Variants in ACSL6 observed in about 807,000 individuals in gnomAD.
ACSL6 encodes the protein long-chain-fatty-acid--CoA ligase 6.
A neutral mutation model predicts 98.2 loss-of-function variants in ACSL6; 47 were observed. That is an observed-to-expected ratio of 0.48 (90% CI 0.38 to 0.61). The LOEUF is 0.61. Among genes scored for constraint, ACSL6 ranks in the 20% least tolerant of loss-of-function variants. The pLI is 0.00. For missense variants in ACSL6, 761 were observed against 913.4 expected, an observed-to-expected ratio of 0.83 and a Z score of 2.15; for synonymous variants, 362 against 336.9, an observed-to-expected ratio of 1.07 and a Z score of -0.82.
intron 1 of ACSL6, among the ~76,000 whole-genome samples, chr5:132,004,814 C>G (rs985661577): frequency 6.6e-6 from 1 of 152,200 alleles, no homozygotes; most frequent in African/African-American, 2.4e-5. Flanking sequence ...CCACCACAGA[C>G]AGACCTAGGC....
chr5:131,958,517 T>C (rs1436960131), intron 20 of ACSL6, among the ~76,000 whole-genome samples: 1 of 152,232 alleles, frequency 6.6e-6, no homozygotes, highest in Non-Finnish European at 1.5e-5. Flanking sequence ...TAAATTGCCC[T>C]AAAACATACT....
intron 18 of ACSL6, among the ~76,000 whole-genome samples, chr5:131,961,908 C>T (rs1190403274): frequency 6.6e-6 from 1 of 151,440 alleles, no homozygotes; most frequent in African/African-American, 2.4e-5. Flanking sequence ...TGTGATGGCT[C>T]ATGCCTCTAA....
chr5:131,974,320 C>A (rs1449605645), intron 11 of ACSL6, among the ~76,000 whole-genome samples: 7 of 152,236 alleles, frequency 4.6e-5, no homozygotes, highest in African/African-American at 1.7e-4. Flanking sequence ...TCAGGCCAGT[C>A]CCCATCTGCA....
intron 14 of ACSL6, among the ~76,000 whole-genome samples, chr5:131,970,600 G>C (rs1370689496): frequency 2.0e-5 from 3 of 151,884 alleles, no homozygotes; most frequent in Non-Finnish European, 4.4e-5. Flanking sequence ...TAGTAGAGAC[G>C]GGGTTTCATC....
chr5:132,009,094 C>T (rs928810148), intron 1 of ACSL6, among the ~76,000 whole-genome samples: 1 of 152,234 alleles, frequency 6.6e-6, no homozygotes, highest in Middle Eastern at 3.2e-3. Context: ...TGGCCCAGGA[C>T]TCATTGCTGG....
At chr5:131,997,730 T>C (rs1331675318) in intron 1 of ACSL6, among the ~76,000 whole-genome samples, 1 of 152,188 alleles carries the variant, frequency 6.6e-6, no homozygotes, top group Non-Finnish European at 1.5e-5. Flanking sequence ...CCTTGCAACT[T>C]CTACTTAGGT....
intron 9 of ACSL6, among the ~76,000 whole-genome samples, chr5:131,978,549 C>T (rs987045147): frequency 2.6e-5 from 4 of 152,148 alleles, no homozygotes; most frequent in Non-Finnish European, 5.9e-5. Context: ...CCAGCCCTCG[C>T]TCGGGAAAGG....
In ACSL6 at chr5:131,994,259, A is replaced by C. The variant is rs1754677404; in HGVS notation, c.50-8T>G. 2 of 1,601,362 alleles carry C rather than the reference A, an allele frequency of 1.2e-6. No individual in the cohort carries two copies. The highest frequency in any genetic ancestry group is 2.7e-5 in the African/African-American group (2 of 74,596). On this transcript the variant is annotated splice_region_variant and splice_polypyrimidine_tract_variant and intron_variant, in intron 1 of 20. Coordinates refer to ENST00000651883, the MANE Select transcript of ACSL6 (RefSeq NM_001009185.3). ...GAAGTGAGAGGACAAACTCTGTTGA[A>C]AACAAGAGTCAGATAAGGCAAGAGA...
In ACSL6 at chr5:132,011,056, G is replaced by GGGATCAGGAAGCCT. The variant is rs1755698657; in HGVS notation, c.49+435_49+448dup. On this transcript the variant is annotated intron_variant, in intron 1 of 20. Transcript: ENST00000651883. The surrounding 1 kb of genome is among the most constrained non-coding windows in gnomAD (Gnocchi z 5.4). ...AGGGGTCGTGAGGAAGCCCCTCGCC[G>GGGATCAGGAAGCCT]GGATCAGGAAGCCTAGGTCAGTCCG... Among the ~76,000 whole-genome samples, 1 of 152,126 alleles carries GGGATCAGGAAGCCT rather than the reference G, an allele frequency of 6.6e-6. No individual in the cohort carries two copies. Among genetic ancestry groups the GGGATCAGGAAGCCT allele is most frequent in the South Asian group, 2.1e-4 (1 of 4,826 alleles).
At chr5:131,992,504 G>A (rs752108706) in intron 2 of ACSL6, among the ~76,000 whole-genome samples, 64 of 152,126 alleles carry the variant, frequency 4.2e-4, no homozygotes, top group Admixed American at 6.5e-5. Context: ...AAGGGAGGAT[G>A]CAGTCATTCC....
chr5:131,976,798 G>T, intron 9 of ACSL6, 77 bp from the exon 10 acceptor site: 1 of 1,217,458 alleles, frequency 8.2e-7, no homozygotes, highest in Non-Finnish European at 1.2e-6. Flanking sequence ...CAAGTTGGCA[G>T]TCCCAGACAC....
chr5:131,952,560 T>C lies in ACSL6; in HGVS notation c.*1674A>G, dbSNP rs961494470. ...TTTAAATTAACACATGAATTGCATATGGATTGTTGATATGCTTTTAGAGTC... is the reference window on the plus strand; with the variant it reads ...TTTAAATTAACACATGAATTGCATACGGATTGTTGATATGCTTTTAGAGTC... On this transcript the variant is annotated 3_prime_UTR_variant, in exon 21 of 21. Coordinates refer to ENST00000651883, the MANE Select transcript of ACSL6 (RefSeq NM_001009185.3). 2 of 214,678 alleles carry C rather than the reference T, an allele frequency of 9.3e-6. No homozygotes were observed. The highest frequency in any genetic ancestry group is 1.9e-5 in the Non-Finnish European group (2 of 106,490). 13.3% of individuals were successfully genotyped at this position (214,678 alleles called of 1,614,324 possible). A position where few individuals can be genotyped will look rare whatever the true frequency, so the allele number is the denominator to read the frequency against.
rs1752209161 is a variant in ACSL6, at chr5:131,952,615, G to T, written c.*1619C>A. 1 of 212,696 alleles carries T rather than the reference G, an allele frequency of 4.7e-6. No individual in the cohort carries two copies. Among genetic ancestry groups the T allele is most frequent in the South Asian group, 1.9e-4 (1 of 5,356 alleles). 13.2% of individuals were successfully genotyped at this position (212,696 alleles called of 1,614,324 possible). A position where few individuals can be genotyped will look rare whatever the true frequency, so the allele number is the denominator to read the frequency against. On this transcript the variant is annotated 3_prime_UTR_variant, in exon 21 of 21. Transcript: ENST00000651883. ...CTCTACAGAAGAAAAACACGTTCCTGGGGTCCATGCCTTTTTCAGAGGCAC... is the reference window on the plus strand; with the variant it reads ...CTCTACAGAAGAAAAACACGTTCCTTGGGTCCATGCCTTTTTCAGAGGCAC...
intron 9 of ACSL6, chr5:131,983,422 C>G (rs1754005445): frequency 6.6e-6 from 1 of 152,222 alleles, no homozygotes. Flanking sequence ...AATGATTCCA[C>G]CAGAATCATG....
At chr5:131,995,604 G>A (rs1195414056) in intron 1 of ACSL6, among the ~76,000 whole-genome samples, 1 of 152,184 alleles carries the variant, frequency 6.6e-6, no homozygotes, top group Non-Finnish European at 1.5e-5. Flanking sequence ...CATGGGATAT[G>A]AGCCAAAAAA....
rs1429070595 is a variant in ACSL6 at position 131,950,584 on chromosome 5, T to C, written c.*3650A>G. 5.1e-6 allele frequency: 1 copy of C among 195,558 alleles called. No homozygotes were observed. The highest frequency in any genetic ancestry group is 1.1e-5 in the Non-Finnish European group (1 of 94,088). 12.1% of individuals were successfully genotyped at this position (195,558 alleles called of 1,614,324 possible). On this transcript the variant is annotated 3_prime_UTR_variant, in exon 21 of 21. Coordinates refer to ENST00000651883, the MANE Select transcript of ACSL6 (RefSeq NM_001009185.3). ...TATATACGGTTATTCATTCTTTTTT[T>C]CCTGAGATATTAAGCACATTTGTAA...
At chr5:131,959,025 C>A (rs1327398719) in intron 20 of ACSL6, among the ~76,000 whole-genome samples, 1 of 151,688 alleles carries the variant, frequency 6.6e-6, no homozygotes, top group Non-Finnish European at 1.5e-5. Flanking sequence ...AAGAACCCAA[C>A]CTTGCAGAAA....
At chr5:131,969,567 A>C (rs1167169748) in intron 15 of ACSL6, among the ~76,000 whole-genome samples, 1 of 152,220 alleles carries the variant, frequency 6.6e-6, no homozygotes, top group Non-Finnish European at 1.5e-5. Context: ...AAAAATGTTT[A>C]TAATATCAGT....
chr5:131,969,769 A>G (rs1753204728), intron 15 of ACSL6, among the ~76,000 whole-genome samples: 2 of 152,142 alleles, frequency 1.3e-5, no homozygotes, highest in East Asian at 3.8e-4. Flanking sequence ...CAATGTCTCA[A>G]AGGCAGCGGC....
Sources: gnomAD v4.1 joint callset for allele counts (sites outside exome capture counted in the v4.1 genomes callset) on GRCh38, gnomAD v4.1.1 for gene constraint, Gnocchi (gnomAD v3.1) non-coding constraint, MANE v1.5 for transcripts, NCBI Gene and HGNC (gene_info 2026-07-23, HGNC 2026-07-21) for gene names.